The following TRIM2 variants were observed in gnomAD, a reference collection of about 807,000 sequenced individuals.
TRIM2 encodes the protein tripartite motif containing 2.
A neutral mutation model predicts 75.2 loss-of-function variants in TRIM2; 20 were observed. The ratio of observed to expected loss-of-function variants is 0.27; its 90% confidence interval spans 0.19 to 0.39. TRIM2 has a LOEUF of 0.39. Among genes scored for constraint, TRIM2 ranks in the 10% least tolerant of loss-of-function variants. The probability of loss-of-function intolerance (pLI) is 1.00; values close to 1 mark genes in which losing one functional copy is unlikely to be tolerated. For missense variants in TRIM2, 660 were observed against 990.8 expected (o/e 0.67, Z 4.48); for synonymous variants, 373 against 388.3 (o/e 0.96, Z 0.46).
At chr4:153,205,184 G>C (rs1735054872) in intron 1 of TRIM2, among the ~76,000 whole-genome samples, 9 of 152,180 alleles carry the variant, frequency 5.9e-5, no homozygotes. Flanking sequence ...GTTTGTCCTT[G>C]ACTACCCAAG....
In TRIM2 at chr4:153,296,035, G is replaced by T; in HGVS notation, c.1509G>T (p.Val503=). 2 of 1,519,584 alleles carry T rather than the reference G, an allele frequency of 1.3e-6. No individual in the cohort carries two copies. The highest frequency in any genetic ancestry group is 1.8e-6 in the Non-Finnish European group (2 of 1,135,764). 94.1% of individuals were successfully genotyped at this position (1,519,584 alleles called of 1,614,324 possible). A position where few individuals can be genotyped will look rare whatever the true frequency, so the allele number is the denominator to read the frequency against. ...NPIEDDLIFR[V]GTKGRNKGEF... ...TCGAAGACGATTTGATCTTTCGAGT[G>T]GGTAAGGAGAGGGCTTCTGTGCCCG... is the stretch of plus-strand genomic sequence containing the variant. The change falls in exon 6 of 12, where the codon GTG becomes GTT. Residue 503 remains valine (V), a splice_region_variant and synonymous_variant. Transcript: ENST00000338700.
intron 1 of TRIM2, among the ~76,000 whole-genome samples, chr4:153,165,509 T>G (rs1730208222): frequency 6.6e-6 from 1 of 152,036 alleles, no homozygotes; most frequent in South Asian, 2.1e-4. Flanking sequence ...TTTGTTTGTT[T>G]GTTTATAGAT....
chr4:153,275,971 G>A lies in TRIM2; in HGVS notation c.294G>A (p.Glu98=). The A allele has an allele frequency of 6.2e-7, 1 of 1,614,186 alleles. No individual in the cohort carries two copies. Among genetic ancestry groups the A allele is most frequent in the South Asian group, 1.1e-5 (1 of 91,080 alleles). Residue 98 remains glutamate, a synonymous_variant, in exon 3 of 12, where the codon GAG becomes GAA. Coordinates refer to ENST00000338700, the MANE Select transcript of TRIM2 (RefSeq NM_015271.5). ...PVCRQTSILP[E]KGVAALQNNF... ...GCCGCCAGACCTCCATCCTGCCCGA[G>A]AAAGGGGTGGCCGCGCTCCAGAACA...
At position 153,334,952 on chromosome 4, in the gene TRIM2, C is replaced by T. The variant is rs2149608127; in HGVS notation, c.2302C>T (p.Arg768Ter). ...DSGNHCFKVY[R>*]YLQ is the part of the protein sequence containing the mutation. ...TGGAAATCACTGTTTCAAAGTCTAT[C>T]GATACTTACAGTAATGGTGGGCAGG... Residue 768 changes from arginine to a stop codon, truncating the protein, a stop_gained, in exon 12 of 12, where the codon CGA becomes TGA. Coordinates refer to ENST00000338700, the MANE Select transcript of TRIM2 (RefSeq NM_015271.5). LOFTEE classifies it high-confidence loss of function. 3 of 1,613,176 alleles carry T rather than the reference C, an allele frequency of 1.9e-6. No individual in the cohort carries two copies. The highest frequency in any genetic ancestry group is 2.5e-6 in the Non-Finnish European group (3 of 1,179,524).
At chr4:153,212,657 A>T (rs1737376133) in intron 1 of TRIM2, among the ~76,000 whole-genome samples, 1 of 152,202 alleles carries the variant, frequency 6.6e-6, no homozygotes, top group South Asian at 2.1e-4. Context: ...CTCTGTCTCT[A>T]GGAAAAAAAG....
At chr4:153,214,914 A>G (rs1027981457) in intron 1 of TRIM2, among the ~76,000 whole-genome samples, 7 of 152,240 alleles carry the variant, frequency 4.6e-5, no homozygotes, top group African/African-American at 1.7e-4. Context: ...AGCTATTAAC[A>G]TTAGAATGCT....
At chr4:153,159,296 CT>C (rs11318531) in intron 1 of TRIM2, among the ~76,000 whole-genome samples, 10,258 of 87,742 alleles carry the variant, frequency 0.12, 112 homozygotes, top group Middle Eastern at 0.17. Flanking sequence ...TTTACAAAAT[CT>C]TTTTTTTTTT....
chr4:153,297,687 C>A (rs566642215), intron 6 of TRIM2, among the ~76,000 whole-genome samples: 1 of 152,168 alleles, frequency 6.6e-6, no homozygotes, highest in Admixed American at 6.5e-5. Context: ...AGTCTACTCC[C>A]CTAGGCCATG....
At chr4:153,299,547 T>A (rs566427761) in intron 6 of TRIM2, among the ~76,000 whole-genome samples, 2 of 152,336 alleles carry the variant, frequency 1.3e-5, no homozygotes, top group Admixed American at 1.3e-4. Flanking sequence ...TTAGATACAG[T>A]GAGTTCTAGA....
chr4:153,205,610 C>T (rs1359348183), intron 1 of TRIM2, among the ~76,000 whole-genome samples: 2 of 152,058 alleles, frequency 1.3e-5, no homozygotes, highest in African/African-American at 4.8e-5. Flanking sequence ...TGTTTGTTAT[C>T]GACAGGAGCC....
At chr4:153,308,785 A>C in intron 6 of TRIM2, 1 of 497,626 alleles carries the variant, frequency 2.0e-6, no homozygotes, top group Non-Finnish European at 4.0e-6. Context: ...TGGGCTGGGC[A>C]CCAAGACCTG....
chr4:153,303,235 G>A (rs1001470403), intron 6 of TRIM2, among the ~76,000 whole-genome samples: 15 of 151,926 alleles, frequency 9.9e-5, no homozygotes, highest in East Asian at 3.9e-4. Context: ...AGGCTGTGGC[G>A]GGCGGACCAC....
At chr4:153,327,993 C>T (rs1770617363) in intron 10 of TRIM2, among the ~76,000 whole-genome samples, 1 of 152,212 alleles carries the variant, frequency 6.6e-6, no homozygotes. Context: ...TGCACACACA[C>T]ATGCAATGAA....
chr4:153,241,570 A>T (rs1484572961), intron 1 of TRIM2, among the ~76,000 whole-genome samples: 1 of 152,218 alleles, frequency 6.6e-6, no homozygotes, highest in Non-Finnish European at 1.5e-5. Flanking sequence ...AAGGCCTCAG[A>T]GAGGAGGCAG....
chr4:153,221,781 A>G (rs965751243), intron 1 of TRIM2, among the ~76,000 whole-genome samples: 1 of 111,542 alleles, frequency 9.0e-6, no homozygotes, highest in Non-Finnish European at 1.7e-5. Context: ...GAAGGAAAGA[A>G]GAAAAGGAAG....
At chr4:153,326,845 G>A (rs560124797) in intron 10 of TRIM2, among the ~76,000 whole-genome samples, 1 of 152,200 alleles carries the variant, frequency 6.6e-6, no homozygotes, top group South Asian at 2.1e-4. Flanking sequence ...GCCGGGCGTG[G>A]TGGTGGGCGC....
chr4:153,286,111 A>G (rs1282769158), intron 3 of TRIM2, among the ~76,000 whole-genome samples: 2 of 152,182 alleles, frequency 1.3e-5, no homozygotes, highest in East Asian at 3.8e-4. Context: ...CTTTCATTCT[A>G]TTAATGTGAT....
At chr4:153,152,195 C>G (rs1478041579), upstream of TRIM2, 1 of 152,034 alleles carries the variant, frequency 6.6e-6, no homozygotes, top group Non-Finnish European at 1.5e-5. Flanking sequence ...AGGCCTAGTG[C>G]TAAGTCGCAG....
At chr4:153,331,105 T>C (rs1771384575) in intron 11 of TRIM2, among the ~76,000 whole-genome samples, 1 of 152,126 alleles carries the variant, frequency 6.6e-6, no homozygotes, top group African/African-American at 2.4e-5. Flanking sequence ...GAAGATTGCT[T>C]GAGGCCAGGA....
Sources: allele counts gnomAD v4.1 joint callset (sites outside exome capture counted in the v4.1 genomes callset), GRCh38; gene constraint gnomAD v4.1.1; transcripts MANE v1.5; gene names NCBI Gene and HGNC (gene_info 2026-07-23, HGNC 2026-07-21).